The following GREB1 variants were observed in gnomAD, a reference collection of about 807,000 sequenced individuals.
GREB1 encodes the protein protein GREB1.
In GREB1, 106 loss-of-function variants were observed where a neutral mutation model predicts 200.7. The ratio of observed to expected loss-of-function variants is 0.53; its 90% CI spans 0.45 to 0.62. The LOEUF (loss-of-function observed/expected upper bound fraction) is 0.62, where lower values mean the gene tolerates loss of function less well. Among genes scored for constraint, GREB1 ranks in the 20% least tolerant of loss-of-function variants. The pLI is 0.00. For synonymous variants in GREB1, 1,132 were observed against 1,092.4 expected (o/e 1.04, Z -0.72); for missense variants, 2,243 against 2,556.8 (o/e 0.88, Z 2.65).
Position 11,618,285 on chromosome 2 carries a change from C to T in GREB1, c.3413-3C>T, listed in dbSNP as rs768936154. The T allele has an allele frequency of 1.3e-6, 2 of 1,553,376 alleles. No homozygotes were observed. The highest frequency in any genetic ancestry group is 1.4e-5 in the African/African-American group (1 of 73,166). ...GTCCCTGACCATGTTCGTCTCTCCT[C>T]AGGTTCAGCGCTCGGTGGCGAGTCC... On this transcript the variant is annotated splice_region_variant and splice_polypyrimidine_tract_variant and intron_variant, in intron 21 of 32. Transcript: ENST00000381486.
chr2:11,613,824 T>C (rs1280966593), intron 19 of GREB1, among the ~76,000 whole-genome samples: 3 of 152,218 alleles, frequency 2.0e-5, no homozygotes, highest in Non-Finnish European at 2.9e-5. Context: ...AGTATTACCA[T>C]CCTGTTTCAT....
At position 11,631,983 on chromosome 2, in the gene GREB1, C is replaced by T; in HGVS notation, c.4686C>T (p.Tyr1562=). ...ACGAACATGGGCTCTTTAATCTGTA[C>T]CACGCAATGGACGGTGCCAGCCATT... is the stretch of plus-strand genomic sequence containing the variant. ...GRHEHGLFNL[Y]HAMDGASHLH... Residue 1562 remains tyrosine, a synonymous_variant, in exon 27 of 33, where the codon TAC becomes TAT. Coordinates refer to ENST00000381486, the MANE Select transcript of GREB1 (RefSeq NM_014668.4). 1.2e-6 allele frequency: 2 copies of T among 1,614,044 alleles called. No homozygotes were observed. Among genetic ancestry groups the T allele is most frequent in the Non-Finnish European group, 1.7e-6 (2 of 1,179,924 alleles).
At chr2:11,636,332 T>C (rs1294060016) in intron 30 of GREB1, among the ~76,000 whole-genome samples, 1 of 152,252 alleles carries the variant, frequency 6.6e-6, no homozygotes, top group African/African-American at 2.4e-5. Flanking sequence ...AAACGAACTT[T>C]TCTTTTGTGT....
In GREB1 at chr2:11,556,584, AT is replaced by A; in HGVS notation, c.-27del. On this transcript the variant is annotated 5_prime_UTR_variant, in exon 2 of 33. An upstream open reading frame in the 5' UTR loses its in-frame stop. Coordinates refer to ENST00000381486, the MANE Select transcript of GREB1 (RefSeq NM_014668.4). ...GCTTTTGCACCGAATCTGAGATGCC[AT>A]TTTAAACAGAAGACTCCATCCTCTT... 1 of 1,580,720 alleles carries A rather than the reference AT, an allele frequency of 6.3e-7. No homozygotes were observed. The highest frequency in any genetic ancestry group is 1.2e-5 in the South Asian group (1 of 86,034).
rs534233144 is a variant in GREB1 at position 11,613,184 on chromosome 2, A to C, written c.3122+574A>C. Among the ~76,000 whole-genome samples the C allele has an allele frequency of 2.0e-5, 3 of 152,186 alleles. No individual in the cohort carries two copies. The East Asian group carries it at 5.8e-4, about 29-fold the overall frequency. On this transcript the variant is annotated intron_variant, in intron 19 of 32. Coordinates refer to ENST00000381486, the MANE Select transcript of GREB1 (RefSeq NM_014668.4). ...AAAGTCTTAGCCACATATCCACTCGATGTCCGCTGGTGTGGGGGGTCTCTA... is the reference window on the plus strand; with the variant it reads ...AAAGTCTTAGCCACATATCCACTCGCTGTCCGCTGGTGTGGGGGGTCTCTA...
chr2:11,532,636 G>A (rs911918105), upstream of GREB1, among the ~76,000 whole-genome samples: 42 of 152,264 alleles, frequency 2.8e-4, no homozygotes, highest in African/African-American at 9.4e-4. Flanking sequence ...TCTGTGGGTC[G>A]TAATCAGACT....
intron 19 of GREB1, among the ~76,000 whole-genome samples, 188 bp from the exon 20 acceptor site, chr2:11,614,903 A>G (rs1683274569): frequency 6.6e-6 from 1 of 152,098 alleles, no homozygotes; most frequent in South Asian, 2.1e-4. Context: ...GTCCCCAAAG[A>G]TTTACTATTA....
At chr2:11,571,587 C>T (rs570265264) in intron 4 of GREB1, among the ~76,000 whole-genome samples, 1 of 152,350 alleles carries the variant, frequency 6.6e-6, no homozygotes, top group East Asian at 1.9e-4. Context: ...ATTTGAGGAA[C>T]TACTGTCGTT....
At chr2:11,528,751 T>C (rs1303983343) in intron 1 of GREB1, among the ~76,000 whole-genome samples, 1 of 152,242 alleles carries the variant, frequency 6.6e-6, no homozygotes, top group African/African-American at 2.4e-5. Context: ...AATGTATGTT[T>C]GTGAAATTTT....
chr2:11,518,728 A>AGG (rs919869797), intron 1 of GREB1, among the ~76,000 whole-genome samples: 1 of 149,226 alleles, frequency 6.7e-6, no homozygotes, highest in East Asian at 1.9e-4. Flanking sequence ...AGCAGTAGAT[A>AGG]GGGCAGTAAA....
At chr2:11,569,797 G>A (rs1394756296) in intron 4 of GREB1, among the ~76,000 whole-genome samples, 3 of 152,194 alleles carry the variant, frequency 2.0e-5, no homozygotes, top group African/African-American at 7.2e-5. Flanking sequence ...CTCAGCAGAG[G>A]GACCTCCCTG....
At chr2:11,615,597 T>C (rs920659057) in intron 20 of GREB1, among the ~76,000 whole-genome samples, 1 of 152,230 alleles carries the variant, frequency 6.6e-6, no homozygotes, top group African/African-American at 2.4e-5. Flanking sequence ...TTAAGATTTC[T>C]TAGAGTTCAA....
chr2:11,516,314 GT>G (rs1673497924), intron 1 of GREB1, among the ~76,000 whole-genome samples: 2 of 107,928 alleles, frequency 1.9e-5, no homozygotes, highest in East Asian at 2.5e-4. Context: ...TCCTGCAGGT[GT>G]GTGTGTGTGT....
At position 11,585,178 on chromosome 2, in the gene GREB1, G is replaced by T. The variant is rs760037944; in HGVS notation, c.919G>T (p.Gly307Trp). The change falls in exon 8 of 33, where the codon GGG becomes TGG. Residue 307 changes from glycine to tryptophan, a missense_variant. Physicochemically the swap from Gly to Trp is radical, Grantham distance 184 (BLOSUM62 -2). Around this residue, in one of 3 missense-constraint regions of GREB1, gnomAD observed 1,178 missense variants for 1,387.4 expected, o/e 0.85. Transcript: ENST00000381486. ...TTGTCTAGGTATCTTGTCAAACTCC[G>T]GGCCCCCCAAAAAACGCCACAAAGG... ...PSALGILSNS[G>W]PPKKRHKGWS... 1 of 1,573,500 alleles carries T rather than the reference G, an allele frequency of 6.4e-7. No individual in the cohort carries two copies. The highest frequency in any genetic ancestry group is 1.2e-5 in the South Asian group (1 of 84,230).
chr2:11,640,604 C>A lies in GREB1; in HGVS notation c.*150C>A. ...GCCCCTCCTAGTACACATGGGCCCC[C>A]GAGGCCGTGGTCCTGGGAGCCAGGA... is the stretch of plus-strand genomic sequence containing the variant. On this transcript the variant is annotated 3_prime_UTR_variant, in exon 33 of 33. Coordinates refer to ENST00000381486, the MANE Select transcript of GREB1 (RefSeq NM_014668.4). This position sits in a 1 kb window ranked among gnomAD's most constrained non-coding sequence, Gnocchi z 4.6. 2 of 840,384 alleles carry A rather than the reference C, an allele frequency of 2.4e-6. No individual in the cohort carries two copies. Among genetic ancestry groups the A allele is most frequent in the Non-Finnish European group, 3.7e-6 (2 of 542,890 alleles). The allele number at this position is 840,384 out of a possible 1,614,324, so 52.1% of individuals were successfully genotyped here. A position where few individuals can be genotyped will look rare whatever the true frequency, so the allele number is the denominator to read the frequency against.
At chr2:11,614,132 T>G (rs1339395215) in intron 19 of GREB1, among the ~76,000 whole-genome samples, 1 of 151,314 alleles carries the variant, frequency 6.6e-6, no homozygotes, top group Non-Finnish European at 1.5e-5. Context: ...TAGATTTTTT[T>G]TTTTTTTTTT....
chr2:11,505,983 G>C (rs1334058302), intron 1 of GREB1, among the ~76,000 whole-genome samples: 3 of 152,214 alleles, frequency 2.0e-5, no homozygotes, highest in African/African-American at 7.2e-5. Flanking sequence ...TGTGATGCAG[G>C]GTGCAGAGAG....
At chr2:11,486,658 A>T (rs1196647623) in intron 1 of GREB1, among the ~76,000 whole-genome samples, 1 of 152,090 alleles carries the variant, frequency 6.6e-6, no homozygotes, top group East Asian at 1.9e-4. Context: ...ACCTGAGGCC[A>T]GGAGTTCGAG....
chr2:11,583,249 CT>C (rs1388455385), intron 7 of GREB1, among the ~76,000 whole-genome samples: 2 of 152,158 alleles, frequency 1.3e-5, no homozygotes, highest in African/African-American at 4.8e-5. Context: ...GCCCTGTCCC[CT>C]TTGGTCGTTC....
Sources: allele counts gnomAD v4.1 joint callset (sites outside exome capture counted in the v4.1 genomes callset), GRCh38; gene constraint gnomAD v4.1.1; regional missense constraint gnomAD v4.1.1; non-coding constraint Gnocchi (gnomAD v3.1); transcripts MANE v1.5; gene names NCBI Gene and HGNC (gene_info 2026-07-23, HGNC 2026-07-21).